The following TENM3 variants were observed in gnomAD, a reference collection of about 807,000 sequenced individuals.
TENM3 encodes the protein teneurin transmembrane protein 3.
Under a neutral mutation model 255.1 loss-of-function variants are expected in TENM3, and 63 were observed. That is an observed-to-expected ratio of 0.25 (90% CI 0.20 to 0.30). TENM3 has a LOEUF of 0.30. Among genes scored for constraint, TENM3 ranks in the 10% least tolerant of loss-of-function variants. The pLI, the probability that TENM3 is intolerant of heterozygous loss-of-function variation, is 1.00. For missense variants in TENM3, 2,929 were observed against 3,461.1 expected (o/e 0.85, Z 3.86); for synonymous variants, 1,306 against 1,322.3 (o/e 0.99, Z 0.27).
intron 1 of TENM3, among the ~76,000 whole-genome samples, chr4:182,318,098 A>G (rs1417807682): frequency 1.3e-5 from 2 of 152,192 alleles, no homozygotes; most frequent in African/African-American, 2.4e-5. Context: ...AGACTATAAT[A>G]AAGATAGGAG....
At chr4:181,885,931 A>C in the TENM3 span, among the ~76,000 whole-genome samples, 1 of 152,126 alleles carries the variant, frequency 6.6e-6, no homozygotes, top group African/African-American at 2.4e-5. Context: ...GCAGTCCCAC[A>C]CATGTGTTTT....
chr4:181,567,732 G>A, the TENM3 span, among the ~76,000 whole-genome samples: 2 of 152,110 alleles, frequency 1.3e-5, no homozygotes, highest in African/African-American at 4.8e-5. Context: ...CTTTTATAGA[G>A]TAAAAGGAAA....
At chr4:181,916,502 G>A in the TENM3 span, among the ~76,000 whole-genome samples, 2 of 152,114 alleles carry the variant, frequency 1.3e-5, no homozygotes, top group Non-Finnish European at 2.9e-5. Context: ...AAAAGATAAG[G>A]AAGCTGTTGA....
intron 3 of TENM3, among the ~76,000 whole-genome samples, chr4:182,581,408 GTTTAA>G (rs1745482210): frequency 6.6e-6 from 1 of 152,144 alleles, no homozygotes; most frequent in African/African-American, 2.4e-5. Flanking sequence ...TTGTAGTACT[GTTTAA>G]TTTAATAACT....
the TENM3 span, among the ~76,000 whole-genome samples, chr4:181,519,042 A>T: frequency 2.0e-5 from 3 of 152,336 alleles, no homozygotes; most frequent in East Asian, 1.9e-4. Flanking sequence ...TAACAAAAAA[A>T]ATATATGTTT....
At chr4:182,739,259 A>G (rs946299000) in intron 18 of TENM3, among the ~76,000 whole-genome samples, 1 of 152,178 alleles carries the variant, frequency 6.6e-6, no homozygotes, top group African/African-American at 2.4e-5. Context: ...AGACCAAAAG[A>G]GGAGTATTTG....
At chr4:182,547,150 CAG>C (rs1741532308) in intron 3 of TENM3, among the ~76,000 whole-genome samples, 1 of 152,078 alleles carries the variant, frequency 6.6e-6, no homozygotes, top group Non-Finnish European at 1.5e-5. Flanking sequence ...TACGGTAAAA[CAG>C]AGGCATGGTA....
chr4:182,124,583 GAAT>G, the TENM3 span, among the ~76,000 whole-genome samples: 1 of 152,186 alleles, frequency 6.6e-6, no homozygotes, highest in East Asian at 1.9e-4. Flanking sequence ...AAAACTGTGG[GAAT>G]AAGAATCAGT....
the TENM3 span, among the ~76,000 whole-genome samples, chr4:181,676,087 C>T: frequency 6.6e-6 from 1 of 152,008 alleles, no homozygotes; most frequent in South Asian, 2.1e-4. Flanking sequence ...AGGGGGGGTG[C>T]ATTTTCTTTT....
At chr4:181,915,689 G>C in the TENM3 span, among the ~76,000 whole-genome samples, 4 of 149,458 alleles carry the variant, frequency 2.7e-5, no homozygotes, top group Admixed American at 6.7e-5. Flanking sequence ...GGAGGGGAAG[G>C]GGGGAGGGGA....
chr4:182,479,943 C>T (rs1404810747), intron 3 of TENM3, among the ~76,000 whole-genome samples: 3 of 151,610 alleles, frequency 2.0e-5, no homozygotes, highest in African/African-American at 7.3e-5. Flanking sequence ...GTTGCCTGCA[C>T]GTTTAGAAAA....
intron 1 of TENM3, among the ~76,000 whole-genome samples, chr4:182,282,894 GAAAA>G (rs35385277): frequency 1.4e-5 from 1 of 70,950 alleles, no homozygotes; most frequent in Non-Finnish European, 2.8e-5. Flanking sequence ...CTCCATTTCA[GAAAA>G]AAAAAAAAAA....
At chr4:181,888,467 C>A in the TENM3 span, among the ~76,000 whole-genome samples, 1 of 128,116 alleles carries the variant, frequency 7.8e-6, no homozygotes, top group South Asian at 2.5e-4. Context: ...TCAGCGTTCT[C>A]CAGAGAAACA....
chr4:181,751,476 C>T, the TENM3 span, among the ~76,000 whole-genome samples: 1 of 149,638 alleles, frequency 6.7e-6, no homozygotes, highest in Admixed American at 6.7e-5. Flanking sequence ...AAGACTATTA[C>T]ACTTCTTCTA....
intron 12 of TENM3, among the ~76,000 whole-genome samples, chr4:182,697,315 G>A (rs1757503175): frequency 6.6e-6 from 1 of 152,272 alleles, no homozygotes; most frequent in Admixed American, 6.5e-5. Context: ...GGACATAGAT[G>A]CCTCATGATC....
chr4:181,944,666 A>C, the TENM3 span, among the ~76,000 whole-genome samples: 1 of 151,866 alleles, frequency 6.6e-6, no homozygotes, highest in East Asian at 2.0e-4. Context: ...GCCCCTCTCC[A>C]ACATAGGGAC....
chr4:181,860,378 G>C, the TENM3 span, among the ~76,000 whole-genome samples: 1 of 152,116 alleles, frequency 6.6e-6, no homozygotes. Flanking sequence ...GGAAAGAAAT[G>C]ATAAGCCGAG....
chr4:182,359,621 T>A (rs779909409), intron 3 of TENM3, among the ~76,000 whole-genome samples: 3 of 144,208 alleles, frequency 2.1e-5, no homozygotes, highest in Non-Finnish European at 4.6e-5. Flanking sequence ...TTTTTCTTTA[T>A]TAGTCTTGCT....
chr4:182,235,257 G>A (rs1756822838), intron 1 of TENM3, among the ~76,000 whole-genome samples: 2 of 152,086 alleles, frequency 1.3e-5, no homozygotes, highest in Non-Finnish European at 2.9e-5. Flanking sequence ...GAAAGCATGT[G>A]GGCATCATAG....
Sources: allele counts gnomAD v4.1 joint callset (sites outside exome capture counted in the v4.1 genomes callset), GRCh38; gene constraint gnomAD v4.1.1; transcripts MANE v1.5; gene names NCBI Gene and HGNC (gene_info 2026-07-23, HGNC 2026-07-21).